Variants in PKM observed in about 807,000 individuals in gnomAD.
PKM encodes the protein pyruvate kinase M1/2, also known as pyruvate kinase PKM.
In PKM, 18 loss-of-function variants were observed where a neutral mutation model predicts 49.8. The observed-to-expected ratio is 0.36, with a 90% CI of 0.25 to 0.54. The LOEUF (loss-of-function observed/expected upper bound fraction) is 0.54, where lower values mean the gene tolerates loss of function less well. Ranked by LOEUF, PKM falls within the 20% of genes least tolerant of loss-of-function variation. PKM has a pLI of 0.89. For missense variants in PKM, 508 were observed against 713.8 expected, an observed-to-expected ratio of 0.71 and a Z score of 3.28; for synonymous variants, 239 against 261.8, an observed-to-expected ratio of 0.91 and a Z score of 0.84.
At chr15:72,220,885 G>A (rs2082503472) in intron 1 of PKM, among the ~76,000 whole-genome samples, 1 of 152,180 alleles carries the variant, frequency 6.6e-6, no homozygotes, top group Non-Finnish European at 1.5e-5. Flanking sequence ...GGGAGGGCTC[G>A]CATACCTTCA....
In PKM at chr15:72,202,210, A is replaced by G. The variant is rs2140596423; in HGVS notation, c.1307+244T>C. ...TCAGCCTGTGCACTGTTATGTAATA[A>G]ATCTCCAGCATAAATTTGCTTTTGA... On this transcript the variant is annotated intron_variant, in intron 9 of 10. Coordinates refer to ENST00000335181, the MANE Select transcript of PKM (RefSeq NM_002654.6). The surrounding 1 kb of genome is among the most constrained non-coding windows in gnomAD (Gnocchi z 4.5). 2 of 572,924 alleles carry G rather than the reference A, an allele frequency of 3.5e-6. No individual in the cohort carries two copies. The highest frequency in any genetic ancestry group is 4.0e-5 in the South Asian group (2 of 50,056). The allele number at this position is 572,924 out of a possible 1,614,324, so 35.5% of individuals were successfully genotyped here.
At chr15:72,223,023 CT>C (rs755504486) in intron 1 of PKM, among the ~76,000 whole-genome samples, 235 of 131,970 alleles carry the variant, frequency 1.8e-3, no homozygotes, top group Non-Finnish European at 2.1e-3. Flanking sequence ...TTTTTTTTTT[CT>C]TTTTTTTTTT....
At chr15:72,208,582 A>G (rs1332362697) in intron 6 of PKM, 39 bp downstream of exon 6, 2 of 1,611,690 alleles carry the variant, frequency 1.2e-6, no homozygotes, top group Non-Finnish European at 1.7e-6. Context: ...CCCTTCGGAG[A>G]GCTGCGCTGG....
intron 8 of PKM, chr15:72,203,122 T>C (rs747130216): frequency 1.9e-6 from 3 of 1,614,092 alleles, no homozygotes; most frequent in South Asian, 1.1e-5. Context: ...GTGGAGTGAC[T>C]TGAGGCTCGC....
At chr15:72,227,761 A>C (rs998545613) in intron 1 of PKM, among the ~76,000 whole-genome samples, 16 of 134,220 alleles carry the variant, frequency 1.2e-4, no homozygotes, top group African/African-American at 4.4e-4. Context: ...AAAAAAAAAA[A>C]AAAAAAAAAA....
At chr15:72,215,337 C>T (rs2082353057) in intron 3 of PKM, among the ~76,000 whole-genome samples, 1 of 152,156 alleles carries the variant, frequency 6.6e-6, no homozygotes, top group Non-Finnish European at 1.5e-5. Flanking sequence ...TACGCCCCAG[C>T]CCCTAGTCAA....
chr15:72,210,403 CGGGCCGGTAGAGGAT>C lies in PKM; in HGVS notation c.307_321del (p.Ile103_Pro107del). Reference sequence around the variant, plus strand: ...CCTTTAGTGTCTAGAGCCACAGCAACGGGCCGGTAGAGGATGGGGTCAGAAGCAAAGCTTTCCGTG... The same window carrying C: ...CCTTTAGTGTCTAGAGCCACAGCAACGGGGTCAGAAGCAAAGCTTTCCGTG... On this transcript the variant is annotated inframe_deletion, in exon 4 of 11. Coordinates refer to ENST00000335181, the MANE Select transcript of PKM (RefSeq NM_002654.6). 1 of 1,614,198 alleles carries C rather than the reference CGGGCCGGTAGAGGAT, an allele frequency of 6.2e-7. No homozygotes were observed. Among genetic ancestry groups the C allele is most frequent in the Non-Finnish European group, 8.5e-7 (1 of 1,180,036 alleles).
At chr15:72,206,388 AG>A in intron 8 of PKM, 1 of 334,194 alleles carries the variant, frequency 3.0e-6, no homozygotes, top group Non-Finnish European at 5.7e-6. Context: ...AAGAGGTACA[AG>A]ACCTCCTTTC....
rs371785913 is a variant in PKM, at chr15:72,217,988, T to C, written c.155-488A>G. The stretch of plus-strand genomic sequence containing the variant: ...ATTTATAATTTGGGTTACAAAGTTA[T>C]GTAATCCAATACATACAGTTTGGAT... On this transcript the variant is annotated intron_variant, in intron 2 of 10. Transcript: ENST00000335181. 3.3e-4 allele frequency among the ~76,000 whole-genome samples: 50 copies of C among 152,370 alleles called. 1 individual carries two copies. In the South Asian group the frequency reaches 9.7e-3, roughly 30 times the overall value.
At chr15:72,205,947 G>A (rs757920215) in intron 8 of PKM, among the ~76,000 whole-genome samples, 12 of 152,116 alleles carry the variant, frequency 7.9e-5, no homozygotes, top group Non-Finnish European at 1.6e-4. Flanking sequence ...CCAGGCACTC[G>A]ACATGACAAG....
chr15:72,219,905 A>G (rs768757125), intron 1 of PKM, among the ~76,000 whole-genome samples: 1 of 152,252 alleles, frequency 6.6e-6, no homozygotes, highest in African/African-American at 2.4e-5. Flanking sequence ...TAAGCCTGAC[A>G]AGTATACCAC....
intron 3 of PKM, among the ~76,000 whole-genome samples, chr15:72,211,899 C>T (rs2082264005): frequency 6.6e-6 from 1 of 151,938 alleles, no homozygotes; most frequent in Non-Finnish European, 1.5e-5. Flanking sequence ...AACAAGGGCA[C>T]CTAATTCAGC....
At chr15:72,224,805 G>A (rs1327576945) in intron 1 of PKM, among the ~76,000 whole-genome samples, 1 of 150,000 alleles carries the variant, frequency 6.7e-6, no homozygotes, top group Admixed American at 6.6e-5. Flanking sequence ...AGTGAACGGA[G>A]ATCGCACCAC....
chr15:72,226,958 G>A (rs2082688664), intron 1 of PKM, among the ~76,000 whole-genome samples: 1 of 152,206 alleles, frequency 6.6e-6, no homozygotes, highest in African/African-American at 2.4e-5. Flanking sequence ...CAACTCCTGA[G>A]CTGAGCAGTC....
intron 8 of PKM, chr15:72,204,109 A>G (rs1344777568): frequency 6.6e-6 from 1 of 152,206 alleles, no homozygotes; most frequent in Non-Finnish European, 1.5e-5. Flanking sequence ...TTTCTGTAAG[A>G]ACGGAATGCA....
chr15:72,229,339 C>T (rs2082776456), intron 1 of PKM, among the ~76,000 whole-genome samples: 1 of 152,102 alleles, frequency 6.6e-6, no homozygotes, highest in Non-Finnish European at 1.5e-5. Flanking sequence ...CCCAGTTTTC[C>T]CAGGGGAAAC....
intron 6 of PKM, among the ~76,000 whole-genome samples, chr15:72,208,065 G>GAAGA (rs984700302): frequency 6.6e-6 from 1 of 152,192 alleles, no homozygotes; most frequent in African/African-American, 2.4e-5. Context: ...TGAAACTGGA[G>GAAGA]AAGAACCACA....
At chr15:72,203,058 A>T (rs763572024) in intron 8 of PKM, 1 of 1,614,194 alleles carries the variant, frequency 6.2e-7, no homozygotes, top group Non-Finnish European at 8.5e-7. Context: ...AGCTGCTGCT[A>T]AACACTTATA....
chr15:72,209,435 ATATATG>A (rs1362784950), intron 5 of PKM: 3 of 19,922 alleles, frequency 1.5e-4, no homozygotes, highest in Non-Finnish European at 1.9e-4. Flanking sequence ...ATATATATAT[ATATATG>A]TATATATATA....
Sources: allele counts gnomAD v4.1 joint callset (sites outside exome capture counted in the v4.1 genomes callset), GRCh38; gene constraint gnomAD v4.1.1; non-coding constraint Gnocchi (gnomAD v3.1); transcripts MANE v1.5; gene names NCBI Gene and HGNC (gene_info 2026-07-23, HGNC 2026-07-21).